Variants in NCKAP5 observed in about 807,000 individuals in gnomAD.
NCKAP5 encodes nck-associated protein 5.
Under a neutral mutation model 167.0 loss-of-function variants are expected in NCKAP5, and 92 were observed. The ratio of observed to expected loss-of-function variants is 0.55; its 90% confidence interval spans 0.47 to 0.66. The LOEUF (loss-of-function observed/expected upper bound fraction) is 0.66, where lower values mean the gene tolerates loss of function less well. Among genes scored for constraint, NCKAP5 ranks in the 30% least tolerant of loss-of-function variants. The probability of loss-of-function intolerance (pLI) is 0.00; values close to 1 mark genes in which losing one functional copy is unlikely to be tolerated. For missense variants in NCKAP5, 2,378 were observed against 2,315.0 expected (o/e 1.03, Z -0.56); for synonymous variants, 891 against 877.4 (o/e 1.02, Z -0.27).
At chr2:133,552,857 A>C (rs1216352044) in intron 2 of NCKAP5, among the ~76,000 whole-genome samples, 2 of 152,168 alleles carry the variant, frequency 1.3e-5, no homozygotes, top group African/African-American at 2.4e-5. Flanking sequence ...TCCCTTTCTT[A>C]TCAGTTCAAC....
intron 8 of NCKAP5, among the ~76,000 whole-genome samples, chr2:132,946,353 G>T (rs1257243479): frequency 6.6e-6 from 1 of 152,174 alleles, no homozygotes; most frequent in Non-Finnish European, 1.5e-5. Flanking sequence ...GCCATCTTTA[G>T]GGTGAAGATC....
the NCKAP5 span, among the ~76,000 whole-genome samples, chr2:133,624,690 G>A: frequency 2.0e-5 from 3 of 152,158 alleles, no homozygotes; most frequent in Admixed American, 2.0e-4. Flanking sequence ...GTATTCATTT[G>A]CACTCCCTTC....
intron 16 of NCKAP5, among the ~76,000 whole-genome samples, chr2:132,751,956 C>G (rs944813146): frequency 5.3e-5 from 8 of 152,224 alleles, no homozygotes; most frequent in African/African-American, 1.9e-4. Flanking sequence ...CATCTGAGTT[C>G]CCTGGCAGAC....
At chr2:133,102,215 C>T (rs1311914520) in intron 6 of NCKAP5, among the ~76,000 whole-genome samples, 2 of 152,016 alleles carry the variant, frequency 1.3e-5, no homozygotes, top group Admixed American at 1.3e-4. Context: ...GGCACGATCT[C>T]GGCTCTCTGC....
chr2:133,623,632 T>TAA, the NCKAP5 span, among the ~76,000 whole-genome samples: 16 of 122,400 alleles, frequency 1.3e-4, no homozygotes, highest in African/African-American at 3.5e-4. Context: ...ATGACCACAA[T>TAA]AAAAAAAAAA....
chr2:133,369,736 A>G (rs1685679826), intron 3 of NCKAP5, among the ~76,000 whole-genome samples: 1 of 152,256 alleles, frequency 6.6e-6, no homozygotes, highest in South Asian at 2.1e-4. Context: ...ACATGATTTT[A>G]TATGGCTTAA....
Position 133,482,976 on chromosome 2 carries a change from C to T in NCKAP5, c.69+34482G>A, listed in dbSNP as rs184769650. On this transcript the variant is annotated intron_variant, in intron 3 of 19. Coordinates refer to ENST00000409261, the MANE Select transcript of NCKAP5 (RefSeq NM_207363.3). The stretch of plus-strand genomic sequence containing the variant: ...AAAATTAAACTTATATCTCATTTTT[C>T]CATGACATTGTTTGCCCACTAAATC... Among the ~76,000 whole-genome samples, 274 of 152,238 alleles carry T rather than the reference C, an allele frequency of 1.8e-3. 1 individual carries two copies. The highest frequency in any genetic ancestry group is 5.7e-3 in the African/African-American group (239 of 41,574).
chr2:133,514,113 C>T (rs970220707), intron 3 of NCKAP5, among the ~76,000 whole-genome samples: 2 of 152,210 alleles, frequency 1.3e-5, no homozygotes, highest in African/African-American at 4.8e-5. Context: ...AGAGAGTAGA[C>T]TGTACTTGCC....
intron 4 of NCKAP5, among the ~76,000 whole-genome samples, chr2:133,272,030 T>C (rs2089536641): frequency 6.6e-6 from 1 of 152,054 alleles, no homozygotes; most frequent in South Asian, 2.1e-4. Flanking sequence ...TTAATAAAAA[T>C]TGAGCAAAAT....
intron 17 of NCKAP5, among the ~76,000 whole-genome samples, chr2:132,729,411 C>T (rs575938084): frequency 1.7e-4 from 26 of 152,264 alleles, no homozygotes; most frequent in Admixed American, 4.6e-4. Context: ...TAGGGAACCC[C>T]GATTTTCCTA....
At chr2:133,009,844 T>G (rs1478559658) in intron 6 of NCKAP5, among the ~76,000 whole-genome samples, 1 of 151,142 alleles carries the variant, frequency 6.6e-6, no homozygotes, top group Non-Finnish European at 1.5e-5. Flanking sequence ...CCGAGGTGGG[T>G]GGATCGTGAG....
chr2:133,159,244 G>C (rs1057050782), intron 5 of NCKAP5, among the ~76,000 whole-genome samples: 10 of 152,094 alleles, frequency 6.6e-5, no homozygotes, highest in African/African-American at 2.4e-4. Flanking sequence ...AGCTGAGGTT[G>C]GTCCCCGGTT....
intron 5 of NCKAP5, among the ~76,000 whole-genome samples, chr2:133,171,386 G>A (rs1453268653): frequency 6.6e-6 from 1 of 152,096 alleles, no homozygotes; most frequent in Non-Finnish European, 1.5e-5. Flanking sequence ...TTTTAATAGA[G>A]AAAAGCATTA....
intron 9 of NCKAP5, among the ~76,000 whole-genome samples, chr2:132,871,991 A>G (rs1037175): frequency 0.24 from 36,020 of 152,156 alleles, 4,566 homozygotes; most frequent in East Asian, 0.39. Context: ...CCTCAAGCTA[A>G]CATTATGCCC....
chr2:132,966,326 C>T (rs1004851002), intron 7 of NCKAP5, among the ~76,000 whole-genome samples: 1 of 152,164 alleles, frequency 6.6e-6, no homozygotes, highest in Non-Finnish European at 1.5e-5. Context: ...TCTCGAACTC[C>T]TGACCTCAGG....
chr2:133,565,457 G>A (rs1688479148), intron 1 of NCKAP5, among the ~76,000 whole-genome samples: 1 of 152,226 alleles, frequency 6.6e-6, no homozygotes, highest in Admixed American at 6.5e-5. Flanking sequence ...ACATTTTAAA[G>A]AAGAGAAATT....
chr2:132,860,516 T>C lies in NCKAP5; in HGVS notation c.783A>G (p.Arg261=). The C allele has an allele frequency of 6.3e-7, 1 of 1,581,366 alleles. No homozygotes were observed. Among genetic ancestry groups the C allele is most frequent in the Non-Finnish European group, 8.6e-7 (1 of 1,161,446 alleles). ...CCTGGAGGAGCAGATCAGAAGTGGG[T>C]CTGACTCGCTGTTGGAATAGGATGC... The part of the protein sequence containing the change: ...TLSILFQQRV[R]PTSDLLLQKL... Residue 261 remains arginine, a synonymous_variant, in exon 11 of 20, where the codon AGA becomes AGG. Coordinates refer to ENST00000409261, the MANE Select transcript of NCKAP5 (RefSeq NM_207363.3).
the NCKAP5 span, among the ~76,000 whole-genome samples, chr2:133,618,728 A>C: frequency 6.6e-6 from 1 of 151,360 alleles, no homozygotes; most frequent in Non-Finnish European, 1.5e-5. Flanking sequence ...TAGTTCAACC[A>C]TTGTGGAAGT....
chr2:133,665,567 T>C, the NCKAP5 span, among the ~76,000 whole-genome samples: 21 of 152,178 alleles, frequency 1.4e-4, no homozygotes, highest in Non-Finnish European at 2.9e-4. Context: ...AAAGCAGATA[T>C]ATAAATAGTA....
Sources: gnomAD v4.1 joint callset for allele counts (sites outside exome capture counted in the v4.1 genomes callset) on GRCh38, gnomAD v4.1.1 for gene constraint, MANE v1.5 for transcripts, NCBI Gene and HGNC (gene_info 2026-07-23, HGNC 2026-07-21) for gene names.